ANKRD30BL: variants seen among roughly 807,000 people sequenced by gnomAD.
ANKRD30BL encodes the protein ankyrin repeat domain 30B like, also known as putative ankyrin repeat domain-containing protein 30B-like.
ANKRD30BL carries 20 observed loss-of-function variants against 18.4 expected under a neutral mutation model. That is an observed-to-expected ratio of 1.09 (90% CI 0.77 to 1.58). ANKRD30BL has a LOEUF of 1.58. Ranked by LOEUF, ANKRD30BL falls within the 40% of genes most tolerant of loss-of-function variation. The pLI is 0.00. For synonymous variants in ANKRD30BL, 72 were observed against 100.9 expected (o/e 0.71, Z 1.72); for missense variants, 224 against 268.6 (o/e 0.83, Z 1.16).
At chr2:132,225,582 C>T (rs893869551) in intron 1 of ANKRD30BL, among the ~76,000 whole-genome samples, 3 of 151,934 alleles carry the variant, frequency 2.0e-5, no homozygotes, top group African/African-American at 7.3e-5. Context: ...TTTGATAGAA[C>T]AGTTTTGAAA....
At chr2:132,247,525 G>T (rs557307685) in intron 1 of ANKRD30BL, among the ~76,000 whole-genome samples, 1 of 151,780 alleles carries the variant, frequency 6.6e-6, no homozygotes, top group Non-Finnish European at 1.5e-5. Flanking sequence ...GTTCAAATCC[G>T]TGTGATGAAT....
intron 1 of ANKRD30BL, among the ~76,000 whole-genome samples, chr2:132,228,952 A>G (rs1208748254): frequency 1.3e-5 from 2 of 151,580 alleles, no homozygotes; most frequent in Admixed American, 1.3e-4. Context: ...CACATAAAAA[A>G]TAGATAGAAG....
intron 1 of ANKRD30BL, among the ~76,000 whole-genome samples, chr2:132,175,764 G>A (rs913989700): frequency 2.0e-5 from 3 of 152,192 alleles, no homozygotes; most frequent in Non-Finnish European, 4.4e-5. Context: ...AGAGAATGGC[G>A]ATGACTTTTA....
rs1310711360 is a variant in ANKRD30BL, at chr2:132,213,223, TCTC to T, written n.441+44303_441+44305del. ...TGCATTCATCACACAGAGTTGAACT[TCTC>T]CTTAGATTGAGCAGCTTTGAAACAC... On this transcript the variant is annotated intron_variant and non_coding_transcript_variant, in intron 1 of 4. Coordinates refer to the ANKRD30BL transcript ENST00000470729. 6.6e-5 allele frequency among the ~76,000 whole-genome samples: 10 copies of T among 151,140 alleles called. No homozygotes were observed. In the East Asian group the frequency reaches 1.2e-3, roughly 18 times the overall value.
chr2:132,187,291 T>C (rs541496500), intron 1 of ANKRD30BL, among the ~76,000 whole-genome samples: 1 of 147,324 alleles, frequency 6.8e-6, no homozygotes, highest in Non-Finnish European at 1.5e-5. Flanking sequence ...CCTCCCGGGA[T>C]GAAGCGATTC....
intron 1 of ANKRD30BL, among the ~76,000 whole-genome samples, chr2:132,224,727 A>G (rs879080772): frequency 5.3e-5 from 8 of 151,864 alleles, no homozygotes; most frequent in African/African-American, 9.7e-5. Context: ...CTTCCTTTTC[A>G]TAGATCACTT....
chr2:132,191,744 T>G, intron 1 of ANKRD30BL, among the ~76,000 whole-genome samples: 1 of 145,526 alleles, frequency 6.9e-6, no homozygotes, highest in Non-Finnish European at 1.5e-5. Flanking sequence ...TTGATTTTTT[T>G]TTTTTTTTTT....
At chr2:132,176,735 GA>G (rs1415917448) in intron 1 of ANKRD30BL, among the ~76,000 whole-genome samples, 3 of 152,350 alleles carry the variant, frequency 2.0e-5, no homozygotes, top group Admixed American at 6.5e-5. Context: ...GGGTTGCAGT[GA>G]GTCAAGATGG....
chr2:132,209,273 T>C (rs908349623), intron 1 of ANKRD30BL, among the ~76,000 whole-genome samples: 1 of 152,136 alleles, frequency 6.6e-6, no homozygotes, highest in Non-Finnish European at 1.5e-5. Context: ...TTGAGCAGTT[T>C]TGAAACACTC....
chr2:132,182,450 C>T (rs1350006440), intron 1 of ANKRD30BL, among the ~76,000 whole-genome samples: 1 of 149,908 alleles, frequency 6.7e-6, no homozygotes, highest in Non-Finnish European at 1.5e-5. Flanking sequence ...CCACTGACTC[C>T]AGCCTGGGTG....
chr2:132,238,892 C>G (rs1680235682), intron 1 of ANKRD30BL, among the ~76,000 whole-genome samples: 1 of 152,014 alleles, frequency 6.6e-6, no homozygotes, highest in African/African-American at 2.4e-5. Flanking sequence ...TTGAAACACT[C>G]TTTTTGTAGA....
chr2:132,228,155 G>A (rs1284810846), intron 1 of ANKRD30BL, among the ~76,000 whole-genome samples: 1 of 152,138 alleles, frequency 6.6e-6, no homozygotes. Flanking sequence ...ATCTCACAGA[G>A]TTAAGCCTTT....
rs1424192028 is a variant in ANKRD30BL, at chr2:132,253,489, C to T, written n.441+4040G>A. ...GACCACAGTGGGGGGCAAACGCTGA[C>T]ACCACCCCATGGGAGCCCAGGGGTT... On this transcript the variant is annotated intron_variant and non_coding_transcript_variant, in intron 1 of 4. Transcript: ENST00000470729. 2.0e-5 allele frequency among the ~76,000 whole-genome samples: 3 copies of T among 152,052 alleles called. 1 individual carries two copies. Among genetic ancestry groups the T allele is most frequent in the African/African-American group, 4.8e-5 (2 of 41,410 alleles).
At chr2:132,257,324 G>T (rs372761664) in intron 1 of ANKRD30BL, among the ~76,000 whole-genome samples, 3 of 148,960 alleles carry the variant, frequency 2.0e-5, no homozygotes, top group African/African-American at 7.4e-5. Context: ...CAGAGAGCCG[G>T]CTCACAGCGG....
At chr2:132,195,844 T>TA (rs1678955750) in intron 1 of ANKRD30BL, among the ~76,000 whole-genome samples, 1 of 138,286 alleles carries the variant, frequency 7.2e-6, no homozygotes, top group East Asian at 2.1e-4. Context: ...ATAGAAGACT[T>TA]AAAAATAAAA....
intron 1 of ANKRD30BL, among the ~76,000 whole-genome samples, chr2:132,186,170 C>A (rs1688556599): frequency 6.6e-6 from 1 of 151,364 alleles, no homozygotes; most frequent in African/African-American, 2.4e-5. Flanking sequence ...AAAAGGAATT[C>A]TTCTCAAAAA....
intron 1 of ANKRD30BL, among the ~76,000 whole-genome samples, chr2:132,229,004 G>A (rs1425519033): frequency 2.0e-5 from 3 of 151,360 alleles, no homozygotes; most frequent in Non-Finnish European, 4.4e-5. Context: ...TTCATCTAAC[G>A]GATTGAAACC....
At chr2:132,238,038 C>T (rs75655198) in intron 1 of ANKRD30BL, among the ~76,000 whole-genome samples, 10,876 of 151,962 alleles carry the variant, frequency 0.072, 1,280 homozygotes, top group African/African-American at 0.25. Flanking sequence ...TCGAACATTC[C>T]GTTTCATAGA....
At chr2:132,230,231 A>T (rs543344721) in intron 1 of ANKRD30BL, among the ~76,000 whole-genome samples, 1,809 of 152,252 alleles carry the variant, frequency 0.012, 33 homozygotes, top group African/African-American at 0.041. Context: ...AGCAGTTTTG[A>T]AGCAGTCTTT....
Sources: gnomAD v4.1 joint callset for allele counts (sites outside exome capture counted in the v4.1 genomes callset) on GRCh38, gnomAD v4.1.1 for gene constraint, MANE v1.5 for transcripts, NCBI Gene and HGNC (gene_info 2026-07-23, HGNC 2026-07-21) for gene names.